PTPRO: variants seen among roughly 807,000 people sequenced by gnomAD.
The protein encoded by PTPRO is receptor-type tyrosine-protein phosphatase O.
PTPRO carries 62 observed loss-of-function variants against 145.2 expected under a neutral mutation model. The observed-to-expected ratio is 0.43, with a 90% CI of 0.35 to 0.53. The LOEUF is 0.53. Ranked by LOEUF, PTPRO falls within the 20% of genes least tolerant of loss-of-function variation. The pLI is 0.01. For missense variants in PTPRO, 1,345 were observed against 1,482.7 expected, an observed-to-expected ratio of 0.91 and a Z score of 1.53; for synonymous variants, 565 against 514.7, an observed-to-expected ratio of 1.10 and a Z score of -1.32.
chr12:15,555,370 G>T lies in PTPRO; in HGVS notation c.2559-2085G>T, dbSNP rs1445782603. Among the ~76,000 whole-genome samples the T allele has an allele frequency of 3.3e-5, 5 of 152,178 alleles. No individual in the cohort carries two copies. In the East Asian group the frequency reaches 9.6e-4, roughly 29 times the overall value. On this transcript the variant is annotated intron_variant, in intron 15 of 26. Transcript: ENST00000281171. ...GGAACAATCAATATTAAGGTTTTCA[G>T]GGAGAAAAGAAGATAACAGTAAGCG...
chr12:15,396,311 T>A (rs1024477980), intron 1 of PTPRO, among the ~76,000 whole-genome samples: 1 of 152,194 alleles, frequency 6.6e-6, no homozygotes, highest in Non-Finnish European at 1.5e-5. Flanking sequence ...TCAATTGTGT[T>A]GCACTTGTGT....
chr12:15,470,725 C>T (rs554986151), intron 1 of PTPRO, among the ~76,000 whole-genome samples: 27 of 152,092 alleles, frequency 1.8e-4, no homozygotes, highest in Admixed American at 5.2e-4. Context: ...TAAATTAATG[C>T]TTAATTGGTG....
chr12:15,558,023 C>T lies in PTPRO; in HGVS notation c.2627+500C>T, dbSNP rs561638334. 5.9e-5 allele frequency among the ~76,000 whole-genome samples: 9 copies of T among 152,140 alleles called. No individual in the cohort carries two copies. In the Middle Eastern group the frequency reaches 0.01, roughly 172 times the overall value. On this transcript the variant is annotated intron_variant, in intron 16 of 26. Transcript: ENST00000281171. The stretch of plus-strand genomic sequence containing the variant: ...GATCTCAACTCACTGCAATCTCTGC[C>T]TCCTGGGCTCAAGTAATCTTTCCAC...
intron 12 of PTPRO, 25 bp downstream of exon 12, chr12:15,526,287 T>A (rs1179398865): frequency 6.2e-7 from 1 of 1,612,438 alleles, no homozygotes; most frequent in Non-Finnish European, 8.5e-7. Context: ...CAGAGATGGG[T>A]GTGAAATAAT....
At chr12:15,582,936 A>G (rs16910957) in intron 23 of PTPRO, among the ~76,000 whole-genome samples, 5,964 of 152,272 alleles carry the variant, frequency 0.039, 384 homozygotes, top group African/African-American at 0.13. Flanking sequence ...GTTAACATCA[A>G]TTGAAGTCAT....
chr12:15,359,029 A>G (rs1938088175), intron 1 of PTPRO, among the ~76,000 whole-genome samples: 1 of 152,220 alleles, frequency 6.6e-6, no homozygotes, highest in Non-Finnish European at 1.5e-5. Context: ...TGAATTTTAC[A>G]TGCATCCAGA....
intron 10 of PTPRO, among the ~76,000 whole-genome samples, chr12:15,521,675 A>G (rs770550075): frequency 6.6e-6 from 1 of 152,188 alleles, no homozygotes; most frequent in Non-Finnish European, 1.5e-5. Flanking sequence ...AATGTCAGCT[A>G]AATAGGCACT....
chr12:15,484,473 C>T (rs939205710), intron 2 of PTPRO, among the ~76,000 whole-genome samples: 3 of 151,960 alleles, frequency 2.0e-5, no homozygotes, highest in African/African-American at 7.3e-5. Context: ...AAGTAAACCT[C>T]AATGATGTAG....
intron 3 of PTPRO, 29 bp downstream of exon 3, chr12:15,497,432 T>C (rs1304975096): frequency 6.2e-7 from 1 of 1,606,260 alleles, no homozygotes; most frequent in Admixed American, 1.7e-5. Context: ...GCTGAATCAA[T>C]GATGACCCTC....
intron 1 of PTPRO, among the ~76,000 whole-genome samples, chr12:15,331,769 C>A (rs892502121): frequency 2.0e-5 from 3 of 152,028 alleles, no homozygotes; most frequent in Admixed American, 6.6e-5. Flanking sequence ...AAAATGAATA[C>A]CTTTGTGGTG....
intron 1 of PTPRO, among the ~76,000 whole-genome samples, chr12:15,451,900 G>A (rs1941055631): frequency 6.6e-6 from 1 of 152,058 alleles, no homozygotes; most frequent in Non-Finnish European, 1.5e-5. Context: ...GTCTGAAAGA[G>A]CACAAATAGA....
intron 1 of PTPRO, among the ~76,000 whole-genome samples, chr12:15,353,933 A>G (rs1202545027): frequency 6.6e-6 from 1 of 152,162 alleles, no homozygotes; most frequent in East Asian, 1.9e-4. Context: ...ACTCGTTTCC[A>G]TAAAAGCTAT....
At chr12:15,331,409 C>A (rs969631057) in intron 1 of PTPRO, among the ~76,000 whole-genome samples, 8 of 152,228 alleles carry the variant, frequency 5.3e-5, no homozygotes, top group Admixed American at 2.0e-4. Flanking sequence ...ATCAGAGAGA[C>A]CTGAAGTCAA....
rs775478150 is a variant in PTPRO, at chr12:15,322,894, G to C, written c.75+93G>C. The C allele has an allele frequency of 5.3e-4, 692 of 1,313,922 alleles. No homozygotes were observed. Among genetic ancestry groups the C allele is most frequent in the Non-Finnish European group, 6.7e-4 (635 of 945,806 alleles). The allele number at this position is 1,313,922 out of a possible 1,614,324, so 81.4% of individuals were successfully genotyped here. On this transcript the variant is annotated intron_variant, in intron 1 of 26. Coordinates refer to ENST00000281171, the MANE Select transcript of PTPRO (RefSeq NM_030667.3). The surrounding 1 kb of genome is among the most constrained non-coding windows in gnomAD (Gnocchi z 6.3). ...CTGCCGTTGGGAGCGGCGCGCCCCAGGGCACGATGGCCCAGCCGCGGGAAG... is the reference window on the plus strand; with the variant it reads ...CTGCCGTTGGGAGCGGCGCGCCCCACGGCACGATGGCCCAGCCGCGGGAAG...
chr12:15,548,520 G>GTA (rs547973302), intron 13 of PTPRO, among the ~76,000 whole-genome samples: 9 of 139,696 alleles, frequency 6.4e-5, no homozygotes, highest in East Asian at 2.1e-4. Context: ...ATATATGTGT[G>GTA]TATATATATG....
intron 1 of PTPRO, among the ~76,000 whole-genome samples, chr12:15,363,616 A>G (rs1938273299): frequency 6.6e-6 from 1 of 152,050 alleles, no homozygotes; most frequent in Admixed American, 6.6e-5. Flanking sequence ...TTTAGAAGCT[A>G]TATTTGATAA....
At chr12:15,356,194 G>T (rs1367700822) in intron 1 of PTPRO, among the ~76,000 whole-genome samples, 2 of 152,134 alleles carry the variant, frequency 1.3e-5, no homozygotes, top group East Asian at 3.8e-4. Context: ...CATATTTAGA[G>T]AAATCATGGC....
At position 15,596,455 on chromosome 12, in the gene PTPRO, C is replaced by T. The variant is rs1944661816; in HGVS notation, c.*382C>T. The T allele has an allele frequency of 6.6e-6, 1 of 152,560 alleles. No homozygotes were observed. The highest frequency in any genetic ancestry group is 1.5e-5 in the Non-Finnish European group (1 of 68,038). The allele number at this position is 152,560 out of a possible 1,614,324, so 9.5% of individuals were successfully genotyped here. A position where few individuals can be genotyped will look rare whatever the true frequency, so the allele number is the denominator to read the frequency against. ...ATTTTTGTGTGTGTGTGATTCTTAT[C>T]AGAAAGTTGAATTGTTTTCTGCCTA... is the stretch of plus-strand genomic sequence containing the variant. On this transcript the variant is annotated 3_prime_UTR_variant, in exon 27 of 27. Transcript: ENST00000281171.
At chr12:15,541,411 T>C (rs1229868593) in intron 12 of PTPRO, among the ~76,000 whole-genome samples, 1 of 152,200 alleles carries the variant, frequency 6.6e-6, no homozygotes, top group East Asian at 1.9e-4. Flanking sequence ...TTTGGTATTT[T>C]GAATAGTAAG....
Sources: gnomAD v4.1 joint callset for allele counts (sites outside exome capture counted in the v4.1 genomes callset) on GRCh38, gnomAD v4.1.1 for gene constraint, Gnocchi (gnomAD v3.1) non-coding constraint, MANE v1.5 for transcripts, NCBI Gene and HGNC (gene_info 2026-07-23, HGNC 2026-07-21) for gene names.